RYR2: variants seen among roughly 807,000 people sequenced by gnomAD.
RYR2 encodes the protein ryanodine receptor 2.
RYR2 carries 227 observed loss-of-function variants against 601.1 expected under a neutral mutation model. The ratio of observed to expected loss-of-function variants is 0.38; its 90% CI spans 0.34 to 0.42. RYR2 has a LOEUF of 0.42. RYR2 is among the 10% of genes least tolerant of loss of function. The pLI is 1.00. For missense variants in RYR2, 4,646 were observed against 6,156.5 expected (o/e 0.75, Z 8.21); for synonymous variants, 2,223 against 2,175.1 (o/e 1.02, Z -0.61).
chr1:237,782,102 G>A (rs374900353), intron 89 of RYR2, among the ~76,000 whole-genome samples: 1 of 151,560 alleles, frequency 6.6e-6, no homozygotes, highest in South Asian at 2.1e-4. Flanking sequence ...AGCTGGCAGT[G>A]GTAGTCTTGT....
chr1:237,195,263 G>A (rs1408292193), intron 1 of RYR2, among the ~76,000 whole-genome samples: 3 of 151,918 alleles, frequency 2.0e-5, no homozygotes, highest in East Asian at 1.9e-4. Context: ...CCAATATCTC[G>A]GCACTTAGCA....
chr1:237,194,047 A>C (rs1014975813), intron 1 of RYR2, among the ~76,000 whole-genome samples: 1 of 152,244 alleles, frequency 6.6e-6, no homozygotes, highest in Non-Finnish European at 1.5e-5. Context: ...TGATTAGAGC[A>C]CTTGGAAAGG....
At position 237,055,924 on chromosome 1, in the gene RYR2, T is replaced by A. The variant is rs139716703; in HGVS notation, c.48+13355T>A. On this transcript the variant is annotated intron_variant, in intron 1 of 104. Coordinates refer to ENST00000366574, the MANE Select transcript of RYR2 (RefSeq NM_001035.3). ...TGTGAAGATACACAGGGAGCACACC[T>A]GTGAGGACTGGAGCACTGCACCTGT... Among the ~76,000 whole-genome samples the A allele has an allele frequency of 2.0e-4, 31 of 152,234 alleles. No homozygotes were observed. The East Asian group carries it at 5.8e-3, about 29-fold the overall frequency.
At chr1:237,469,678 G>A (rs1660495323) in intron 17 of RYR2, among the ~76,000 whole-genome samples, 1 of 152,074 alleles carries the variant, frequency 6.6e-6, no homozygotes, top group Non-Finnish European at 1.5e-5. Flanking sequence ...TAAATAAGAA[G>A]ATCAGTTTGG....
chr1:237,330,893 C>T lies in RYR2; in HGVS notation c.184C>T (p.Leu62Phe), dbSNP rs794728813. Residue 62 changes from leucine (L) to phenylalanine (F), a missense_variant, in exon 3 of 105, where the codon CTC (leucine) becomes TTC (phenylalanine). Around this residue, in one of 17 missense-constraint regions of RYR2, gnomAD observed 153 missense variants for 203.6 expected, o/e 0.75. Coordinates refer to ENST00000366574, the MANE Select transcript of RYR2 (RefSeq NM_001035.3). The stretch of plus-strand genomic sequence containing the variant: ...TTCTGTGCAGAATGTGCCCCCAGAC[C>T]TCTCCATCTGCACCTTTGTGCTGGA... ...TSNSKNVPPD[L>F]SICTFVLEQS... 8.7e-6 allele frequency: 14 copies of T among 1,613,914 alleles called. No individual in the cohort carries two copies. Among genetic ancestry groups the T allele is most frequent in the Non-Finnish European group, 1.2e-5 (14 of 1,179,800 alleles).
At chr1:237,460,893 A>G (rs918949336) in intron 16 of RYR2, among the ~76,000 whole-genome samples, 1 of 152,118 alleles carries the variant, frequency 6.6e-6, no homozygotes, top group Admixed American at 6.5e-5. Flanking sequence ...TCTTCTTATC[A>G]TTATTCCCAT....
chr1:237,707,313 T>C, intron 68 of RYR2, 44 bp downstream of exon 68: 1 of 1,046,944 alleles, frequency 9.6e-7, no homozygotes, highest in Non-Finnish European at 1.3e-6. Context: ...ATCTGTTTTA[T>C]TTCCAAAAGA....
At chr1:237,616,871 G>A (rs1053549291) in intron 37 of RYR2, among the ~76,000 whole-genome samples, 1 of 152,142 alleles carries the variant, frequency 6.6e-6, no homozygotes, top group African/African-American at 2.4e-5. Flanking sequence ...TTACATGGTG[G>A]CAGGCAAGAG....
At chr1:237,085,068 G>T (rs1468313599) in intron 1 of RYR2, among the ~76,000 whole-genome samples, 2 of 152,172 alleles carry the variant, frequency 1.3e-5, no homozygotes, top group Non-Finnish European at 2.9e-5. Context: ...ACTACTCAAG[G>T]GTGTGATTGC....
At position 237,243,157 on chromosome 1, in the gene RYR2, C is replaced by T. The variant is rs550316660; in HGVS notation, c.49-27340C>T. The stretch of plus-strand genomic sequence containing the variant: ...TGTGACCGGGGTCAGGGGAGGGGTT[C>T]CCCATACACCAAGCATGAACCCTAG... On this transcript the variant is annotated intron_variant, in intron 1 of 104. Transcript: ENST00000366574. 3.3e-5 allele frequency among the ~76,000 whole-genome samples: 5 copies of T among 152,202 alleles called. No homozygotes were observed. The South Asian group carries it at 1.0e-3, about 32-fold the overall frequency.
intron 1 of RYR2, among the ~76,000 whole-genome samples, chr1:237,167,844 G>A (rs918007680): frequency 3.3e-5 from 5 of 151,402 alleles, no homozygotes; most frequent in East Asian, 2.0e-4. Context: ...CTCTTGTCCC[G>A]GCTTTCAGAG....
intron 1 of RYR2, among the ~76,000 whole-genome samples, chr1:237,101,493 G>A (rs1343103437): frequency 6.6e-6 from 1 of 151,780 alleles, no homozygotes; most frequent in Non-Finnish European, 1.5e-5. Context: ...TATTTATTGA[G>A]CAGTTACTAG....
At chr1:237,649,683 A>T (rs1682527765) in intron 49 of RYR2, among the ~76,000 whole-genome samples, 194 bp from the exon 50 acceptor site, 1 of 152,172 alleles carries the variant, frequency 6.6e-6, no homozygotes. Context: ...TTTATGAACA[A>T]TGGATAGTTG....
chr1:237,072,160 G>A (rs867587814), intron 1 of RYR2, among the ~76,000 whole-genome samples: 3 of 152,278 alleles, frequency 2.0e-5, no homozygotes, highest in Non-Finnish European at 2.9e-5. Flanking sequence ...CAGGGCACGG[G>A]GGTCCTGCTT....
chr1:237,264,100 C>T (rs1426728693), intron 1 of RYR2, among the ~76,000 whole-genome samples: 1 of 151,148 alleles, frequency 6.6e-6, no homozygotes. Context: ...TGCACACACA[C>T]ACACACACAC....
chr1:237,098,202 C>T (rs546459585), intron 1 of RYR2, among the ~76,000 whole-genome samples: 1 of 152,282 alleles, frequency 6.6e-6, no homozygotes, highest in Admixed American at 6.5e-5. Context: ...GCCAGTGATT[C>T]AGTCGATATT....
intron 1 of RYR2, among the ~76,000 whole-genome samples, chr1:237,072,671 A>G (rs1209898151): frequency 6.6e-6 from 1 of 152,114 alleles, no homozygotes; most frequent in Non-Finnish European, 1.5e-5. Flanking sequence ...ATCTGAAAAT[A>G]TTTAAAAATA....
chr1:237,658,736 G>A (rs1489991176), intron 54 of RYR2, among the ~76,000 whole-genome samples: 1 of 152,084 alleles, frequency 6.6e-6, no homozygotes, highest in African/African-American at 2.4e-5. Flanking sequence ...ATAAAATCTT[G>A]AAAATTCTTA....
chr1:237,830,346 C>T, intron 102 of RYR2, 184 bp from the exon 103 acceptor site: 1 of 480,580 alleles, frequency 2.1e-6, no homozygotes, highest in South Asian at 2.6e-5. Context: ...TCATTTAAGC[C>T]AACACCAAGA....
Sources: gnomAD v4.1 joint callset for allele counts (sites outside exome capture counted in the v4.1 genomes callset) on GRCh38, gnomAD v4.1.1 for gene constraint, gnomAD v4.1.1 regional missense constraint, MANE v1.5 for transcripts, NCBI Gene and HGNC (gene_info 2026-07-23, HGNC 2026-07-21) for gene names.